Variants in CHMP2B observed in about 807,000 individuals in gnomAD.
CHMP2B encodes the protein charged multivesicular body protein 2B, also known as VPS2 homolog B.
Under a neutral mutation model 29.8 loss-of-function variants are expected in CHMP2B, and 22 were observed. That is an observed-to-expected ratio of 0.74 (90% CI 0.53 to 1.05). The LOEUF (loss-of-function observed/expected upper bound fraction) is 1.05. Among genes scored for constraint, CHMP2B ranks in the 50% least tolerant of loss-of-function variants. The pLI, the probability that CHMP2B is intolerant of heterozygous loss-of-function variation, is 0.00. For missense variants in CHMP2B, 261 were observed against 252.2 expected, an observed-to-expected ratio of 1.03 and a Z score of -0.24; for synonymous variants, 78 against 75.8, an observed-to-expected ratio of 1.03 and a Z score of -0.15.
chr3:87,250,573 G>A (rs555430957), intron 4 of CHMP2B, among the ~76,000 whole-genome samples: 3 of 151,806 alleles, frequency 2.0e-5, no homozygotes, highest in African/African-American at 7.2e-5. Context: ...TGAATATCTT[G>A]CTTTTTAAAA....
chr3:87,246,673 A>T (rs1706219181), intron 3 of CHMP2B, among the ~76,000 whole-genome samples: 1 of 152,196 alleles, frequency 6.6e-6, no homozygotes, highest in African/African-American at 2.4e-5. Context: ...CTTATGTTTA[A>T]CTTACTGTAT....
chr3:87,238,143 CTG>C (rs931212248), intron 1 of CHMP2B, among the ~76,000 whole-genome samples: 5 of 152,110 alleles, frequency 3.3e-5, no homozygotes, highest in African/African-American at 9.7e-5. Context: ...TAACTATTAA[CTG>C]TAACTATTAT....
intron 1 of CHMP2B, among the ~76,000 whole-genome samples, chr3:87,233,406 T>C (rs1170078015): frequency 1.3e-5 from 2 of 152,188 alleles, no homozygotes; most frequent in Admixed American, 6.5e-5. Context: ...ACCTTTAATA[T>C]TTCTTTTTAA....
At chr3:87,233,494 A>G (rs1354497059) in intron 1 of CHMP2B, among the ~76,000 whole-genome samples, 1 of 152,056 alleles carries the variant, frequency 6.6e-6, no homozygotes, top group African/African-American at 2.4e-5. Context: ...ATCCTTACGT[A>G]GCCAGGACTT....
chr3:87,254,139 C>G lies in CHMP2B; in HGVS notation c.*317C>G, dbSNP rs1706362546. The G allele has an allele frequency of 7.9e-6, 2 of 251,940 alleles. No homozygotes were observed. The highest frequency in any genetic ancestry group is 5.1e-5 in the Admixed American group (1 of 19,568). 15.6% of individuals were successfully genotyped at this position (251,940 alleles called of 1,614,324 possible). A position where few individuals can be genotyped will look rare whatever the true frequency, so the allele number is the denominator to read the frequency against. On this transcript the variant is annotated 3_prime_UTR_variant, in exon 6 of 6. Coordinates refer to ENST00000263780, the MANE Select transcript of CHMP2B (RefSeq NM_014043.4). Reference sequence around the variant, plus strand: ...CAGTTTATGTTCTAAATCTTTTTCACTGAATATAAAAATCTTGTTAAATGC... The same window carrying G: ...CAGTTTATGTTCTAAATCTTTTTCAGTGAATATAAAAATCTTGTTAAATGC...
chr3:87,240,812 A>G lies in CHMP2B; in HGVS notation c.126+22A>G, dbSNP rs376241082. On this transcript the variant is annotated intron_variant, in intron 2 of 5. Transcript: ENST00000263780. ...GCTGGTAAGTAGAACGTTAAATTTC[A>G]GTTTAACTTTTCAAACAAATTTGGA... The G allele has an allele frequency of 5.0e-6, 8 of 1,585,038 alleles. No homozygotes were observed. In the Admixed American group the frequency reaches 1.2e-4, roughly 23 times the overall value.
chr3:87,246,745 C>CT (rs1320365483), intron 3 of CHMP2B, among the ~76,000 whole-genome samples: 1 of 152,186 alleles, frequency 6.6e-6, no homozygotes, highest in African/African-American at 2.4e-5. Context: ...TTAAAGGACT[C>CT]TGAGTCTTTC....
intron 3 of CHMP2B, among the ~76,000 whole-genome samples, chr3:87,247,936 G>A (rs904182705): frequency 2.0e-5 from 3 of 152,100 alleles, no homozygotes; most frequent in Middle Eastern, 3.2e-3. Context: ...CAAATAAAGA[G>A]TAGAATGCAT....
At chr3:87,228,414 A>G (rs1705852006) in intron 1 of CHMP2B, among the ~76,000 whole-genome samples, 1 of 152,196 alleles carries the variant, frequency 6.6e-6, no homozygotes, top group South Asian at 2.1e-4. Context: ...TCCCCATTAT[A>G]TGTTTAGTCT....
Position 87,254,380 on chromosome 3 carries a change from G to T in CHMP2B, c.*558G>T, listed in dbSNP as rs1044465877. ...TTTCTTTTTTCTTTTTCCATTAGGAGAACATTCTAGTTGGTAAATTTCAAA... is the reference window on the plus strand; with the variant it reads ...TTTCTTTTTTCTTTTTCCATTAGGATAACATTCTAGTTGGTAAATTTCAAA... On this transcript the variant is annotated 3_prime_UTR_variant, in exon 6 of 6. Coordinates refer to ENST00000263780, the MANE Select transcript of CHMP2B (RefSeq NM_014043.4). The T allele has an allele frequency of 4.6e-5, 7 of 153,804 alleles. No individual in the cohort carries two copies. Among genetic ancestry groups the T allele is most frequent in the African/African-American group, 1.7e-4 (7 of 41,442 alleles). 9.5% of individuals were successfully genotyped at this position (153,804 alleles called of 1,614,324 possible).
chr3:87,227,952 T>C (rs1705843480), intron 1 of CHMP2B, among the ~76,000 whole-genome samples: 1 of 152,194 alleles, frequency 6.6e-6, no homozygotes, highest in Admixed American at 6.5e-5. Context: ...TACAGGAAAC[T>C]GGCAGTCTCG....
chr3:87,254,807 C>A lies in CHMP2B; in HGVS notation c.*985C>A, dbSNP rs980718381. 3.1e-4 allele frequency: 47 copies of A among 151,794 alleles called. No individual in the cohort carries two copies. The highest frequency in any genetic ancestry group is 1.1e-3 in the African/African-American group (46 of 41,424). The allele number at this position is 151,794 out of a possible 1,614,324, so 9.4% of individuals were successfully genotyped here. ...TGTTTAATGTGTATATTGAATCTTC[C>A]AAATTGAAGCCATTATTCTCAATTA... On this transcript the variant is annotated 3_prime_UTR_variant, in exon 6 of 6. Coordinates refer to ENST00000263780, the MANE Select transcript of CHMP2B (RefSeq NM_014043.4).
At chr3:87,247,003 G>A (rs1038309543) in intron 3 of CHMP2B, among the ~76,000 whole-genome samples, 2 of 152,068 alleles carry the variant, frequency 1.3e-5, no homozygotes, top group African/African-American at 4.8e-5. Flanking sequence ...TACAGAAGAG[G>A]GATTGTGAAT....
In CHMP2B at chr3:87,240,791, G is replaced by T; in HGVS notation, c.126+1G>T. 1 of 1,608,256 alleles carries T rather than the reference G, an allele frequency of 6.2e-7. No individual in the cohort carries two copies. The highest frequency in any genetic ancestry group is 1.1e-5 in the South Asian group (1 of 91,004). On this transcript the variant is annotated splice_donor_variant, in intron 2 of 5. Transcript: ENST00000263780. LOFTEE classifies it high-confidence loss of function. ...TTTAGAGAAACAAGAAAAACAGCTG[G>T]TAAGTAGAACGTTAAATTTCAGTTT...
intron 1 of CHMP2B, 116 bp from the exon 2 acceptor site, chr3:87,240,583 C>T (rs1284696113): frequency 5.4e-6 from 4 of 741,978 alleles, no homozygotes; most frequent in Non-Finnish European, 2.4e-6. Context: ...AGGCATGAGC[C>T]ACTGCGCCCA....
chr3:87,247,695 A>G (rs1706239740), intron 3 of CHMP2B, among the ~76,000 whole-genome samples: 1 of 152,196 alleles, frequency 6.6e-6, no homozygotes, highest in Non-Finnish European at 1.5e-5. Flanking sequence ...GGAATCTACA[A>G]ATAAGGAGTA....
chr3:87,245,821 A>G lies in CHMP2B; in HGVS notation c.234A>G (p.Val78=), dbSNP rs765641845. 6.2e-7 allele frequency: 1 copy of G among 1,613,720 alleles called. No homozygotes were observed. The highest frequency in any genetic ancestry group is 2.2e-5 in the East Asian group (1 of 44,814). ...AACAGAAGACGAGAACTTTTGCTGT[A>G]AGTTCAAAAGTTACTTCTATGTCTA... ...LRKQKTRTFA[V]SSKVTSMSTQ... is the part of the protein sequence containing the mutation. Residue 78 remains valine, a synonymous_variant, in exon 3 of 6, where the codon GTA becomes GTG. Coordinates refer to ENST00000263780, the MANE Select transcript of CHMP2B (RefSeq NM_014043.4).
At position 87,244,023 on chromosome 3, in the gene CHMP2B, GT is replaced by G. The variant is rs747217550; in HGVS notation, c.127-1678del. Among the ~76,000 whole-genome samples the G allele has an allele frequency of 7.5e-4, 95 of 127,380 alleles. No individual in the cohort carries two copies. The Middle Eastern group carries it at 0.013, about 17-fold the overall frequency. The allele number at this position is 127,380 out of a possible 152,430, so 83.6% of individuals were successfully genotyped here. A position where few individuals can be genotyped will look rare whatever the true frequency, so the allele number is the denominator to read the frequency against. The stretch of plus-strand genomic sequence containing the variant: ...TTCTTTGTTTCTGTTTTTGTTTTTT[GT>G]TTTTTTTTTTTTGTTTTTTGTTTTT... On this transcript the variant is annotated intron_variant, in intron 2 of 5. Coordinates refer to ENST00000263780, the MANE Select transcript of CHMP2B (RefSeq NM_014043.4).
intron 1 of CHMP2B, among the ~76,000 whole-genome samples, chr3:87,229,035 G>A (rs1559604223): frequency 6.6e-6 from 1 of 151,722 alleles, no homozygotes; most frequent in Non-Finnish European, 1.5e-5. Flanking sequence ...ACTAAATGGA[G>A]AAAAAATGGT....
Sources: allele counts gnomAD v4.1 joint callset (sites outside exome capture counted in the v4.1 genomes callset), GRCh38; gene constraint gnomAD v4.1.1; transcripts MANE v1.5; gene names NCBI Gene and HGNC (gene_info 2026-07-23, HGNC 2026-07-21).